The following PRR16 variants were observed in gnomAD, a reference collection of about 807,000 sequenced individuals.
PRR16 encodes protein Largen.
A neutral mutation model predicts 18.2 loss-of-function variants in PRR16; 6 were observed. The observed-to-expected ratio is 0.33, with a 90% CI of 0.18 to 0.65. The LOEUF is 0.65. PRR16 is among the 30% of genes least tolerant of loss of function. The pLI, the probability that PRR16 is intolerant of heterozygous loss-of-function variation, is 0.74. For synonymous variants in PRR16, 151 were observed against 147.8 expected (o/e 1.02, Z -0.16); for missense variants, 412 against 376.6 (o/e 1.09, Z -0.78).
chr5:120,669,851 A>G (rs370246557), intron 1 of PRR16, among the ~76,000 whole-genome samples: 16 of 152,258 alleles, frequency 1.1e-4, no homozygotes, highest in African/African-American at 3.4e-4. Context: ...TTAATGAAGT[A>G]CAATAGAAAT....
chr5:120,763,462 T>G, the PRR16 span, among the ~76,000 whole-genome samples: 2 of 152,278 alleles, frequency 1.3e-5, no homozygotes, highest in Admixed American at 6.5e-5. Flanking sequence ...ACTATAACCT[T>G]GGACATATTT....
chr5:120,638,562 A>G (rs1279363556), intron 1 of PRR16, among the ~76,000 whole-genome samples: 2 of 152,132 alleles, frequency 1.3e-5, no homozygotes, highest in Non-Finnish European at 2.9e-5. Flanking sequence ...ATTAAAAGAC[A>G]AAGTACTCTG....
chr5:120,589,466 G>A (rs1753559367), intron 1 of PRR16, among the ~76,000 whole-genome samples: 1 of 152,030 alleles, frequency 6.6e-6, no homozygotes, highest in South Asian at 2.1e-4. Context: ...TTCACACACA[G>A]GCTTAGTATA....
At chr5:120,497,166 A>G (rs1462004274) in intron 1 of PRR16, among the ~76,000 whole-genome samples, 1 of 152,120 alleles carries the variant, frequency 6.6e-6, no homozygotes, top group Admixed American at 6.5e-5. Flanking sequence ...CTTAAGAAGA[A>G]TGTGCATTCT....
At chr5:120,757,390 T>C in the PRR16 span, among the ~76,000 whole-genome samples, 1 of 152,098 alleles carries the variant, frequency 6.6e-6, no homozygotes, top group African/African-American at 2.4e-5. Context: ...GCGTTGACTC[T>C]GTAGATTGCT....
At chr5:120,498,043 G>T (rs950207035) in intron 1 of PRR16, among the ~76,000 whole-genome samples, 3 of 150,832 alleles carry the variant, frequency 2.0e-5, no homozygotes, top group Non-Finnish European at 3.0e-5. Context: ...AATATGTTAA[G>T]GTTTATGTAT....
At chr5:120,595,993 T>A (rs1049472617) in intron 1 of PRR16, among the ~76,000 whole-genome samples, 1 of 151,916 alleles carries the variant, frequency 6.6e-6, no homozygotes, top group African/African-American at 2.4e-5. Context: ...AGATGAGCAG[T>A]GATTGTGAAA....
chr5:120,696,084 T>TA, the PRR16 span, among the ~76,000 whole-genome samples: 56 of 151,480 alleles, frequency 3.7e-4, no homozygotes, highest in African/African-American at 1.1e-3. Flanking sequence ...TTACTAAAAA[T>TA]AAAAAAAATT....
At chr5:120,735,718 T>C in the PRR16 span, among the ~76,000 whole-genome samples, 6 of 152,136 alleles carry the variant, frequency 3.9e-5, no homozygotes, top group Non-Finnish European at 8.8e-5. Context: ...TCTGGATTTT[T>C]ATATATTCTT....
chr5:120,715,263 G>C, the PRR16 span, among the ~76,000 whole-genome samples: 2 of 152,132 alleles, frequency 1.3e-5, no homozygotes, highest in Non-Finnish European at 2.9e-5. Flanking sequence ...TTTGAACTCT[G>C]AATGCTGAGT....
intron 1 of PRR16, chr5:120,617,134 CAG>C: frequency 1.0e-6 from 1 of 985,316 alleles, no homozygotes; most frequent in Middle Eastern, 5.2e-4. Flanking sequence ...CATGATGAAA[CAG>C]GGAAACAGTG....
intron 1 of PRR16, among the ~76,000 whole-genome samples, chr5:120,564,729 G>C (rs1227069953): frequency 6.6e-6 from 1 of 152,142 alleles, no homozygotes; most frequent in African/African-American, 2.4e-5. Context: ...GCTCACGCCT[G>C]TAATCCCAGC....
downstream of PRR16, among the ~76,000 whole-genome samples, chr5:120,688,346 A>C (rs930802700): frequency 6.6e-6 from 1 of 152,210 alleles, no homozygotes; most frequent in African/African-American, 2.4e-5. Flanking sequence ...ACATGAAGAT[A>C]ATGAAAGCAA....
At chr5:120,729,784 G>T in the PRR16 span, among the ~76,000 whole-genome samples, 3 of 152,098 alleles carry the variant, frequency 2.0e-5, no homozygotes, top group African/African-American at 7.2e-5. Flanking sequence ...CAAACAGCAT[G>T]GTTCCTGGGA....
At chr5:120,590,945 T>G (rs1753614130) in intron 1 of PRR16, among the ~76,000 whole-genome samples, 1 of 152,222 alleles carries the variant, frequency 6.6e-6, no homozygotes, top group South Asian at 2.1e-4. Flanking sequence ...GATTTGATCT[T>G]ATAGTATTCC....
intron 1 of PRR16, among the ~76,000 whole-genome samples, chr5:120,650,024 C>T (rs1376524318): frequency 6.6e-6 from 1 of 151,792 alleles, no homozygotes; most frequent in Non-Finnish European, 1.5e-5. Context: ...TTGAGACCAT[C>T]CTGGCCAACA....
chr5:120,568,410 T>G (rs550866219), intron 1 of PRR16, among the ~76,000 whole-genome samples: 1 of 152,080 alleles, frequency 6.6e-6, no homozygotes, highest in African/African-American at 2.4e-5. Context: ...TTGTTTATGA[T>G]CAGGGATATG....
the PRR16 span, among the ~76,000 whole-genome samples, chr5:120,752,627 C>G: frequency 1.3e-5 from 2 of 151,968 alleles, no homozygotes; most frequent in Non-Finnish European, 2.9e-5. Context: ...TTATTAACTT[C>G]TATATTCCTA....
intron 1 of PRR16, among the ~76,000 whole-genome samples, chr5:120,683,793 C>G (rs1424213876): frequency 6.6e-6 from 1 of 151,874 alleles, no homozygotes; most frequent in African/African-American, 2.4e-5. Context: ...TGATAAACAC[C>G]AGTATTCCAT....
Sources: gnomAD v4.1 joint callset for allele counts (sites outside exome capture counted in the v4.1 genomes callset) on GRCh38, gnomAD v4.1.1 for gene constraint, MANE v1.5 for transcripts, NCBI Gene and HGNC (gene_info 2026-07-23, HGNC 2026-07-21) for gene names.